BTG4: variants seen among roughly 807,000 people sequenced by gnomAD.
The protein encoded by BTG4 is protein BTG4.
Under a neutral mutation model 19.3 loss-of-function variants are expected in BTG4, and 10 were observed. The ratio of observed to expected loss-of-function variants is 0.52; its 90% CI spans 0.32 to 0.88. BTG4 has a LOEUF of 0.88. BTG4 is among the 40% of genes least tolerant of loss of function. The probability of loss-of-function intolerance (pLI) is 0.04; values close to 1 mark genes in which losing one functional copy is unlikely to be tolerated. For missense variants in BTG4, 238 were observed against 281.9 expected (o/e 0.84, Z 1.11); for synonymous variants, 91 against 95.7 (o/e 0.95, Z 0.29).
chr11:111,482,510 G>A lies in BTG4; in HGVS notation c.662+12653C>T, dbSNP rs193278830. The stretch of plus-strand genomic sequence containing the variant: ...ACTGGAATAGCTAAAGTAATTTTTA[G>A]AAAGAATAAAGTGGGAAGAATCTAT... On this transcript the variant is annotated intron_variant, in intron 5 of 5. Coordinates refer to the BTG4 transcript ENST00000356018. Among the ~76,000 whole-genome samples the A allele has an allele frequency of 3.5e-3, 529 of 152,188 alleles. 1 individual carries two copies. The highest frequency in any genetic ancestry group is 0.01 in the Middle Eastern group (3 of 294).
chr11:111,408,853 G>A, the BTG4 span, among the ~76,000 whole-genome samples: 1 of 152,226 alleles, frequency 6.6e-6, no homozygotes, highest in African/African-American at 2.4e-5. Context: ...TAATGAGGGA[G>A]GCTTTTGAGT....
intron 5 of BTG4, among the ~76,000 whole-genome samples, chr11:111,471,474 C>T (rs1370725455): frequency 6.6e-6 from 1 of 152,134 alleles, no homozygotes; most frequent in East Asian, 1.9e-4. Context: ...ACCATATTCT[C>T]CTCCTTGACA....
At chr11:111,405,394 G>A in the BTG4 span, among the ~76,000 whole-genome samples, 14 of 71,754 alleles carry the variant, frequency 2.0e-4, no homozygotes, top group Admixed American at 3.1e-3. Context: ...ACAAGAGCAA[G>A]ACTCCGTCTC....
chr11:111,474,978 G>A (rs1053220901), intron 5 of BTG4: 15 of 152,360 alleles, frequency 9.8e-5, no homozygotes, highest in Non-Finnish European at 2.2e-4. Context: ...CCATTAGATT[G>A]TGCCTATTTT....
the BTG4 span, among the ~76,000 whole-genome samples, chr11:111,436,334 T>G: frequency 3.3e-5 from 5 of 152,202 alleles, no homozygotes; most frequent in Admixed American, 2.6e-4. Flanking sequence ...GGGGGACTTT[T>G]GGACAGGCAC....
chr11:111,412,782 G>GT, the BTG4 span, among the ~76,000 whole-genome samples: 4 of 152,174 alleles, frequency 2.6e-5, no homozygotes, highest in African/African-American at 9.7e-5. Context: ...AATAAAATCT[G>GT]TAAGAACCAA....
the BTG4 span, among the ~76,000 whole-genome samples, chr11:111,387,659 C>T: frequency 2.0e-5 from 3 of 152,154 alleles, no homozygotes; most frequent in African/African-American, 4.8e-5. Context: ...AGTGTCCATG[C>T]CCCATTTTGC....
Position 111,499,388 on chromosome 11 carries a change from T to G in BTG4, c.-26-586A>C, listed in dbSNP as rs183574030. ...CCTGGGCCCTAAAGGCTGATGGATG[T>G]TTCACCTTACACAGGTGCTGCCTAT... On this transcript the variant is annotated intron_variant, in intron 1 of 4. Coordinates refer to ENST00000692032, the MANE Select transcript of BTG4 (RefSeq NM_001367975.1). Among the ~76,000 whole-genome samples, 25 of 152,340 alleles carry G rather than the reference T, an allele frequency of 1.6e-4. No homozygotes were observed. In the East Asian group the frequency reaches 2.1e-3, roughly 13 times the overall value.
the BTG4 span, among the ~76,000 whole-genome samples, chr11:111,391,295 T>C: frequency 3.9e-5 from 6 of 152,046 alleles, no homozygotes; most frequent in East Asian, 9.7e-4. Context: ...CTGTTCAGAG[T>C]CTTGAGTCTT....
At chr11:111,423,225 G>A in the BTG4 span, among the ~76,000 whole-genome samples, 1 of 152,140 alleles carries the variant, frequency 6.6e-6, no homozygotes. Flanking sequence ...TCGCTGTGGT[G>A]GCGGGCCCGG....
At chr11:111,492,326 T>C (rs1200068861), downstream of BTG4, among the ~76,000 whole-genome samples, 1 of 152,220 alleles carries the variant, frequency 6.6e-6, no homozygotes, top group Admixed American at 6.5e-5. Flanking sequence ...TTCTGTCATA[T>C]CCAAATATTA....
chr11:111,397,074 T>G, the BTG4 span: 1 of 152,198 alleles, frequency 6.6e-6, no homozygotes, highest in East Asian at 1.9e-4. Context: ...AAGCACACAT[T>G]TTAATCTTCT....
chr11:111,456,422 C>A, the BTG4 span: 1 of 434,574 alleles, frequency 2.3e-6, no homozygotes, highest in Admixed American at 2.4e-5. The surrounding 1 kb of genome is among the most constrained non-coding windows in gnomAD (Gnocchi z 4.2). Flanking sequence ...CTCACCAGCT[C>A]CTTCCAGTCA....
chr11:111,448,145 C>T, the BTG4 span, among the ~76,000 whole-genome samples: 2 of 152,214 alleles, frequency 1.3e-5, no homozygotes, highest in Non-Finnish European at 2.9e-5. Context: ...GTGCCACATG[C>T]CTGAGCACAG....
the BTG4 span, among the ~76,000 whole-genome samples, chr11:111,440,949 A>G: frequency 6.6e-6 from 1 of 152,136 alleles, no homozygotes; most frequent in Non-Finnish European, 1.5e-5. Context: ...AGTCACATCA[A>G]CATGTATGCA....
the BTG4 span, among the ~76,000 whole-genome samples, chr11:111,413,628 C>T: frequency 6.6e-6 from 1 of 152,260 alleles, no homozygotes; most frequent in East Asian, 1.9e-4. Flanking sequence ...CCTTCCATTC[C>T]ATTCAATTCA....
chr11:111,471,958 C>G (rs1409257404), intron 5 of BTG4, among the ~76,000 whole-genome samples: 1 of 152,192 alleles, frequency 6.6e-6, no homozygotes, highest in Admixed American at 6.5e-5. Flanking sequence ...TCCTGTTGTT[C>G]TACTTTCAAA....
chr11:111,421,846 G>C, the BTG4 span, among the ~76,000 whole-genome samples: 1 of 152,144 alleles, frequency 6.6e-6, no homozygotes, highest in African/African-American at 2.4e-5. Flanking sequence ...CAGGGCAGCA[G>C]AGGTTGCAGT....
intron 1 of BTG4, among the ~76,000 whole-genome samples, chr11:111,509,108 A>G (rs116703684): frequency 0.03 from 4,494 of 152,320 alleles, 102 homozygotes; most frequent in Middle Eastern, 0.085. Context: ...GAAGCTAATT[A>G]AGAATCTGGT....
Sources: allele counts gnomAD v4.1 joint callset (sites outside exome capture counted in the v4.1 genomes callset), GRCh38; gene constraint gnomAD v4.1.1; non-coding constraint Gnocchi (gnomAD v3.1); transcripts MANE v1.5; gene names NCBI Gene and HGNC (gene_info 2026-07-23, HGNC 2026-07-21).